CAPSL: variants seen among roughly 807,000 people sequenced by gnomAD.
The protein encoded by CAPSL is calcyphosine like.
Under a neutral mutation model 21.3 loss-of-function variants are expected in CAPSL, and 17 were observed. The observed-to-expected ratio is 0.80, with a 90% CI of 0.55 to 1.20. CAPSL has a LOEUF of 1.20. Ranked by LOEUF, CAPSL falls within the 50% of genes most tolerant of loss-of-function variation. CAPSL has a pLI of 0.00. For missense variants in CAPSL, 289 were observed against 259.3 expected, an observed-to-expected ratio of 1.11 and a Z score of -0.79; for synonymous variants, 102 against 89.3, an observed-to-expected ratio of 1.14 and a Z score of -0.80.
chr5:35,910,782 A>G (rs1395487053), intron 2 of CAPSL, among the ~76,000 whole-genome samples: 4 of 151,926 alleles, frequency 2.6e-5, no homozygotes, highest in Non-Finnish European at 5.9e-5. Flanking sequence ...CTGTGGAGAC[A>G]GTAAAAAGAT....
intron 3 of CAPSL, 29 bp downstream of exon 3, chr5:35,910,337 C>A (rs754992263): frequency 3.7e-6 from 6 of 1,605,078 alleles, no homozygotes; most frequent in Non-Finnish European, 5.1e-6. Context: ...CCAAACTCAG[C>A]AGATACACTG....
intron 1 of CAPSL, among the ~76,000 whole-genome samples, chr5:35,923,832 G>A (rs756201748): frequency 1.3e-5 from 2 of 152,064 alleles, no homozygotes; most frequent in East Asian, 3.9e-4. Flanking sequence ...TGACATAGAC[G>A]GTGGTTTATC....
At chr5:35,909,773 T>C in intron 4 of CAPSL, 93 bp downstream of exon 4, 1 of 1,013,434 alleles carries the variant, frequency 9.9e-7, no homozygotes. Context: ...AAATATGGTA[T>C]CAATGTGTTA....
intron 1 of CAPSL, among the ~76,000 whole-genome samples, chr5:35,925,313 G>A (rs1225693326): frequency 8.5e-5 from 13 of 152,216 alleles, no homozygotes; most frequent in Admixed American, 8.5e-4. Context: ...GGACCTCTCA[G>A]AGGAGGTGAT....
At chr5:35,932,030 G>T (rs991014798) in intron 1 of CAPSL, among the ~76,000 whole-genome samples, 4 of 152,162 alleles carry the variant, frequency 2.6e-5, no homozygotes, top group South Asian at 2.1e-4. Flanking sequence ...CCCTTAGAAT[G>T]AATGCTTCTT....
intron 1 of CAPSL, among the ~76,000 whole-genome samples, chr5:35,930,177 C>T (rs1354111858): frequency 2.6e-5 from 4 of 152,116 alleles, no homozygotes; most frequent in African/African-American, 9.7e-5. Flanking sequence ...TAAGATGTCA[C>T]CGAAGTCTGG....
chr5:35,927,026 G>T (rs776615225), intron 1 of CAPSL, among the ~76,000 whole-genome samples: 2 of 152,234 alleles, frequency 1.3e-5, no homozygotes, highest in African/African-American at 2.4e-5. Context: ...AATAGAAAGG[G>T]ACAGCAAATG....
intron 2 of CAPSL, among the ~76,000 whole-genome samples, chr5:35,911,129 G>A (rs1738210795): frequency 1.3e-5 from 2 of 152,154 alleles, no homozygotes; most frequent in Non-Finnish European, 2.9e-5. Flanking sequence ...TTAAATAAAT[G>A]ATAGAGTAAA....
chr5:35,922,965 G>A (rs569316643), intron 1 of CAPSL, among the ~76,000 whole-genome samples: 26 of 152,056 alleles, frequency 1.7e-4, no homozygotes, highest in African/African-American at 4.6e-4. Context: ...AGTGGCATGC[G>A]CCCCATCCCC....
At chr5:35,919,079 A>C (rs1162939953) in intron 2 of CAPSL, among the ~76,000 whole-genome samples, 2 of 151,086 alleles carry the variant, frequency 1.3e-5, no homozygotes, top group African/African-American at 4.9e-5. Flanking sequence ...AAAACAAAAA[A>C]AATGACTTTT....
intron 2 of CAPSL, among the ~76,000 whole-genome samples, chr5:35,919,191 A>ATATATAT (rs1561439733): frequency 2.8e-5 from 3 of 107,450 alleles, no homozygotes; most frequent in Admixed American, 9.2e-5. Flanking sequence ...ATATATATAT[A>ATATATAT]AAAATTGTGA....
At chr5:35,921,176 T>C (rs971076465) in intron 1 of CAPSL, 56 bp from the exon 2 acceptor site, 1 of 1,580,312 alleles carries the variant, frequency 6.3e-7, no homozygotes, top group Non-Finnish European at 8.6e-7. Flanking sequence ...TGCCTCTGGC[T>C]GGGCAGAGTG....
Position 35,904,313 on chromosome 5 carries a change from T to C in CAPSL, c.*232A>G. 3.6e-6 allele frequency: 2 copies of C among 557,254 alleles called. No homozygotes were observed. Among genetic ancestry groups the C allele is most frequent in the Non-Finnish European group, 6.4e-6 (2 of 313,526 alleles). The allele number at this position is 557,254 out of a possible 1,614,324, so 34.5% of individuals were successfully genotyped here. A position where few individuals can be genotyped will look rare whatever the true frequency, so the allele number is the denominator to read the frequency against. ...TAGGAGCTTTACAGAGCTCATTTTATTTAAGTCCTATTTTAGAACAAAGGA... is the reference window on the plus strand; with the variant it reads ...TAGGAGCTTTACAGAGCTCATTTTACTTAAGTCCTATTTTAGAACAAAGGA... On this transcript the variant is annotated 3_prime_UTR_variant, in exon 5 of 5. Transcript: ENST00000651391.
chr5:35,932,132 C>A (rs568812996), intron 1 of CAPSL, among the ~76,000 whole-genome samples: 44 of 152,146 alleles, frequency 2.9e-4, no homozygotes, highest in Admixed American at 5.9e-4. Flanking sequence ...ACTGATACTT[C>A]CAGAAAACCA....
intron 1 of CAPSL, among the ~76,000 whole-genome samples, chr5:35,921,337 A>G (rs767190436): frequency 2.0e-5 from 3 of 152,180 alleles, no homozygotes; most frequent in Non-Finnish European, 4.4e-5. Flanking sequence ...AGCCTAGACA[A>G]TAATCTTAAA....
chr5:35,917,722 G>A (rs1023699368), intron 2 of CAPSL, among the ~76,000 whole-genome samples: 3 of 152,174 alleles, frequency 2.0e-5, no homozygotes, highest in African/African-American at 7.2e-5. Flanking sequence ...GTTGTGGGGT[G>A]AAGGGAGGGG....
intron 2 of CAPSL, among the ~76,000 whole-genome samples, chr5:35,917,159 C>T (rs2149922824): frequency 6.6e-6 from 1 of 152,302 alleles, no homozygotes; most frequent in Middle Eastern, 3.4e-3. Flanking sequence ...ATCAAAACCA[C>T]AATGACATAC....
At chr5:35,922,481 C>T (rs1030477050) in intron 1 of CAPSL, among the ~76,000 whole-genome samples, 2 of 152,080 alleles carry the variant, frequency 1.3e-5, no homozygotes, top group Non-Finnish European at 2.9e-5. Context: ...TCTTGAACCT[C>T]GGGTCAAGAA....
At chr5:35,912,949 A>T (rs1738270398) in intron 2 of CAPSL, among the ~76,000 whole-genome samples, 1 of 152,176 alleles carries the variant, frequency 6.6e-6, no homozygotes, top group African/African-American at 2.4e-5. Flanking sequence ...CAAAGAAGTT[A>T]AAAACCTTGA....
Sources: gnomAD v4.1 joint callset for allele counts (sites outside exome capture counted in the v4.1 genomes callset) on GRCh38, gnomAD v4.1.1 for gene constraint, MANE v1.5 for transcripts, NCBI Gene and HGNC (gene_info 2026-07-23, HGNC 2026-07-21) for gene names.